TRIM44: variants seen among roughly 807,000 people sequenced by gnomAD.
TRIM44 encodes the protein tripartite motif-containing protein 44.
Under a neutral mutation model 37.4 loss-of-function variants are expected in TRIM44, and 13 were observed. The observed-to-expected ratio is 0.35, with a 90% CI of 0.23 to 0.55. The LOEUF is 0.55. Among genes scored for constraint, TRIM44 ranks in the 20% least tolerant of loss-of-function variants. The probability of loss-of-function intolerance (pLI) is 0.89; values close to 1 mark genes in which losing one functional copy is unlikely to be tolerated. For synonymous variants in TRIM44, 175 were observed against 157.2 expected, an observed-to-expected ratio of 1.11 and a Z score of -0.85; for missense variants, 426 against 437.2, an observed-to-expected ratio of 0.97 and a Z score of 0.23.
At chr11:35,788,577 T>TG (rs1177483789) in intron 4 of TRIM44, among the ~76,000 whole-genome samples, 1 of 152,246 alleles carries the variant, frequency 6.6e-6, no homozygotes, top group Non-Finnish European at 1.5e-5. Flanking sequence ...CTAACAAGAA[T>TG]GCCCCTTGCA....
At chr11:35,770,320 G>A (rs1403207846) in intron 4 of TRIM44, among the ~76,000 whole-genome samples, 1 of 152,234 alleles carries the variant, frequency 6.6e-6, no homozygotes, top group Non-Finnish European at 1.5e-5. Context: ...GGGCACACAA[G>A]GTTGATTCCA....
intron 4 of TRIM44, among the ~76,000 whole-genome samples, chr11:35,748,911 G>T (rs1852527994): frequency 6.6e-6 from 1 of 152,314 alleles, no homozygotes; most frequent in East Asian, 1.9e-4. Flanking sequence ...AAGCAATGCA[G>T]AGGCTGTCCA....
chr11:35,784,533 A>T (rs1328130649), intron 4 of TRIM44, among the ~76,000 whole-genome samples: 1 of 152,152 alleles, frequency 6.6e-6, no homozygotes, highest in Non-Finnish European at 1.5e-5. Flanking sequence ...AGGATTACTG[A>T]CTCCATAATT....
intron 2 of TRIM44, among the ~76,000 whole-genome samples, chr11:35,719,961 G>A (rs914372839): frequency 6.6e-6 from 1 of 152,158 alleles, no homozygotes; most frequent in African/African-American, 2.4e-5. Context: ...AGTAAGACTT[G>A]AATTGAGTAG....
chr11:35,772,148 T>C (rs1242814592), intron 4 of TRIM44, among the ~76,000 whole-genome samples: 1 of 152,238 alleles, frequency 6.6e-6, no homozygotes, highest in African/African-American at 2.4e-5. Flanking sequence ...GTGTTGAGCC[T>C]GTGAGTGCAC....
At chr11:35,791,760 C>G (rs1853213712) in intron 4 of TRIM44, among the ~76,000 whole-genome samples, 1 of 152,154 alleles carries the variant, frequency 6.6e-6, no homozygotes, top group Non-Finnish European at 1.5e-5. Flanking sequence ...TTCTCTGACT[C>G]TGTAGGTGGA....
chr11:35,675,021 C>T (rs1285995459), intron 1 of TRIM44, among the ~76,000 whole-genome samples: 2 of 152,170 alleles, frequency 1.3e-5, no homozygotes, highest in African/African-American at 4.8e-5. Flanking sequence ...AGCCTGTGAA[C>T]ATTTATTGTA....
chr11:35,744,541 G>A (rs898806273), intron 4 of TRIM44, among the ~76,000 whole-genome samples: 3 of 151,780 alleles, frequency 2.0e-5, no homozygotes, highest in African/African-American at 7.3e-5. Context: ...ATTTAACTGG[G>A]CACCCTGTTT....
chr11:35,737,202 A>T (rs1031654054), intron 4 of TRIM44, among the ~76,000 whole-genome samples: 1 of 152,196 alleles, frequency 6.6e-6, no homozygotes, highest in African/African-American at 2.4e-5. Context: ...CAAGAGAGGA[A>T]TGGAAAAAAG....
intron 4 of TRIM44, among the ~76,000 whole-genome samples, chr11:35,740,595 T>A (rs1017985387): frequency 2.0e-5 from 3 of 152,188 alleles, no homozygotes; most frequent in African/African-American, 4.8e-5. Flanking sequence ...ATACCGATTC[T>A]GCGATCAAAC....
At chr11:35,771,609 C>G (rs1852872075) in intron 4 of TRIM44, among the ~76,000 whole-genome samples, 1 of 151,890 alleles carries the variant, frequency 6.6e-6, no homozygotes, top group Non-Finnish European at 1.5e-5. Flanking sequence ...CCTGTAATCT[C>G]AGCTACTTGG....
chr11:35,766,263 G>T (rs1022906475), intron 4 of TRIM44, among the ~76,000 whole-genome samples: 1 of 152,110 alleles, frequency 6.6e-6, no homozygotes, highest in East Asian at 1.9e-4. Flanking sequence ...TCATCTGTCC[G>T]TTAATTAGCT....
chr11:35,751,166 T>C (rs563899234), intron 4 of TRIM44, among the ~76,000 whole-genome samples: 1 of 152,314 alleles, frequency 6.6e-6, no homozygotes, highest in African/African-American at 2.4e-5. Context: ...TATTACTAAA[T>C]ATAAAGCAAT....
chr11:35,734,123 A>G (rs182129417), intron 3 of TRIM44, among the ~76,000 whole-genome samples: 43 of 152,212 alleles, frequency 2.8e-4, no homozygotes, highest in African/African-American at 8.2e-4. Context: ...CCTGTTTCTC[A>G]TGCTCCTGAT....
chr11:35,797,256 A>G (rs898123092), intron 4 of TRIM44, among the ~76,000 whole-genome samples: 1 of 152,246 alleles, frequency 6.6e-6, no homozygotes, highest in African/African-American at 2.4e-5. Context: ...GTAATATTGG[A>G]TTATAACCCA....
chr11:35,699,597 G>A (rs1047248226), intron 2 of TRIM44, among the ~76,000 whole-genome samples: 1 of 151,860 alleles, frequency 6.6e-6, no homozygotes, highest in Non-Finnish European at 1.5e-5. Flanking sequence ...TGAAAGTCCT[G>A]GCCAGGGCAA....
intron 4 of TRIM44, among the ~76,000 whole-genome samples, chr11:35,755,713 T>A (rs1382315211): frequency 1.3e-5 from 2 of 152,182 alleles, no homozygotes; most frequent in African/African-American, 4.8e-5. Flanking sequence ...AGTTTCAGCT[T>A]TCTACATATG....
chr11:35,754,380 C>A (rs766249026), intron 4 of TRIM44, among the ~76,000 whole-genome samples: 2 of 152,196 alleles, frequency 1.3e-5, no homozygotes, highest in Admixed American at 6.5e-5. Flanking sequence ...TAGTGCCCGA[C>A]TATTATGGAG....
intron 3 of TRIM44, among the ~76,000 whole-genome samples, chr11:35,727,007 TAAA>T (rs748760381): frequency 5.1e-4 from 76 of 149,588 alleles, no homozygotes; most frequent in Non-Finnish European, 5.9e-4. Flanking sequence ...AAAAAAAAAA[TAAA>T]AAAGTAGCAG....
Sources: gnomAD v4.1 joint callset for allele counts (sites outside exome capture counted in the v4.1 genomes callset) on GRCh38, gnomAD v4.1.1 for gene constraint, MANE v1.5 for transcripts, NCBI Gene and HGNC (gene_info 2026-07-23, HGNC 2026-07-21) for gene names.